CRAMP1: variants seen among roughly 807,000 people sequenced by gnomAD.
The protein encoded by CRAMP1 is protein cramped-like.
Under a neutral mutation model 115.4 loss-of-function variants are expected in CRAMP1, and 50 were observed. The ratio of observed to expected loss-of-function variants is 0.43; its 90% confidence interval spans 0.35 to 0.55. CRAMP1 has a LOEUF of 0.55. Among genes scored for constraint, CRAMP1 ranks in the 20% least tolerant of loss-of-function variants. The pLI is 0.01. For synonymous variants in CRAMP1, 866 were observed against 745.4 expected, an observed-to-expected ratio of 1.16 and a Z score of -2.64; for missense variants, 1,679 against 1,721.7, an observed-to-expected ratio of 0.98 and a Z score of 0.44.
chr16:1,665,984 G>T (rs559087023), intron 14 of CRAMP1, 89 bp from the exon 15 acceptor site: 1 of 810,196 alleles, frequency 1.2e-6, no homozygotes, highest in Non-Finnish European at 2.1e-6. Context: ...CCCAACAGTG[G>T]CTGTAAAGGA....
chr16:1,655,384 A>C, intron 9 of CRAMP1, 84 bp downstream of exon 9: 4 of 1,083,356 alleles, frequency 3.7e-6, no homozygotes, highest in Non-Finnish European at 2.9e-6. Context: ...TGTGCCTGTC[A>C]TCGTCATGGT....
chr16:1,671,156 G>T lies in CRAMP1; in HGVS notation c.3645+347G>T, dbSNP rs1044848998. 6.6e-6 allele frequency among the ~76,000 whole-genome samples: 1 copy of T among 152,166 alleles called. No homozygotes were observed. The highest frequency in any genetic ancestry group is 1.5e-5 in the Non-Finnish European group (1 of 68,028). ...CCCTGGCTGTGAGGTGCTGAGGTGC[G>T]GGGAGTGTTGTGGAGGGAGGAGTAA... On this transcript the variant is annotated intron_variant, in intron 20 of 20. Transcript: ENST00000397412. The surrounding 1 kb of genome is among the most constrained non-coding windows in gnomAD (Gnocchi z 5.0).
chr16:1,616,187 A>G (rs1218214692), intron 2 of CRAMP1, among the ~76,000 whole-genome samples: 3 of 152,258 alleles, frequency 2.0e-5, no homozygotes, highest in South Asian at 2.1e-4. Flanking sequence ...TTGCTGATCA[A>G]TTTGGAAAAC....
chr16:1,625,891 C>G (rs2036504057), intron 2 of CRAMP1, 82 bp from the exon 3 acceptor site: 7 of 1,381,468 alleles, frequency 5.1e-6, no homozygotes, highest in Admixed American at 4.2e-5. Context: ...GGGCAGTGGG[C>G]CCTTCCCTCC....
In CRAMP1 at chr16:1,666,013, C is replaced by G. The variant is rs2142206526; in HGVS notation, c.2753-60C>G. On this transcript the variant is annotated intron_variant, in intron 14 of 20. Coordinates refer to ENST00000397412, the MANE Select transcript of CRAMP1 (RefSeq NM_020825.4). This position sits in a 1 kb window ranked among gnomAD's most constrained non-coding sequence, Gnocchi z 5.0. ...TAAAGGAAGCCCCCTGCGGCCACAT[C>G]CTGCTGTGAGGGCATGGCGGGCGGG... 3.4e-6 allele frequency: 4 copies of G among 1,182,638 alleles called. No homozygotes were observed. Among genetic ancestry groups the G allele is most frequent in the East Asian group, 2.5e-5 (1 of 39,736 alleles). 73.3% of individuals were successfully genotyped at this position (1,182,638 alleles called of 1,614,324 possible).
intron 13 of CRAMP1, among the ~76,000 whole-genome samples, chr16:1,663,205 A>G (rs2036847598): frequency 6.6e-6 from 1 of 152,206 alleles, no homozygotes; most frequent in Admixed American, 6.5e-5. Context: ...TGAGCTCCCC[A>G]GGAGTCCCCG....
chr16:1,641,883 G>T (rs535207309), intron 6 of CRAMP1, among the ~76,000 whole-genome samples: 1 of 151,814 alleles, frequency 6.6e-6, no homozygotes, highest in African/African-American at 2.4e-5. Flanking sequence ...CAGCCTGGGG[G>T]GTCCCCACTC....
chr16:1,632,349 C>T lies in CRAMP1; in HGVS notation c.678C>T (p.Tyr226=). ...YYRTWHKITK[Y]IDFDHVFSRG... ...GCACCTGGCACAAGATCACCAAGTA[C>T]ATCGACTTTGATCATGGTGAGTGTG... The change falls in exon 4 of 21, where the codon TAC becomes TAT. Residue 226 remains tyrosine, a synonymous_variant. Coordinates refer to ENST00000397412, the MANE Select transcript of CRAMP1 (RefSeq NM_020825.4). 1.3e-6 allele frequency: 2 copies of T among 1,593,960 alleles called. No homozygotes were observed. Among genetic ancestry groups the T allele is most frequent in the Admixed American group, 1.8e-5 (1 of 56,616 alleles).
Position 1,614,079 on chromosome 16 carries a change from CAGGTGCGCGGGGCCCGGG to C in CRAMP1, c.-1-557_-1-540del, listed in dbSNP as rs1265338855. Among the ~76,000 whole-genome samples, 1 of 94,698 alleles carries C rather than the reference CAGGTGCGCGGGGCCCGGG, an allele frequency of 1.1e-5. No individual in the cohort carries two copies. Among genetic ancestry groups the C allele is most frequent in the African/African-American group, 4.1e-5 (1 of 24,518 alleles). The allele number at this position is 94,698 out of a possible 152,430, so 62.1% of individuals were successfully genotyped here. On this transcript the variant is annotated intron_variant, in intron 1 of 20. Transcript: ENST00000397412. This position sits in a 1 kb window ranked among gnomAD's most constrained non-coding sequence, Gnocchi z 4.4. ...CAGCTCTGGGGGCCGGCGCGTGGGG[CAGGTGCGCGGGGCCCGGG>C]AGCCCCGCGCCTTTCGGGGGGCGGG...
At chr16:1,657,108 A>C in intron 10 of CRAMP1, 116 bp downstream of exon 10, 1 of 983,694 alleles carries the variant, frequency 1.0e-6, no homozygotes, top group Non-Finnish European at 1.4e-6. Context: ...TGAGAGAGAC[A>C]GGGTCCTGTG....
In CRAMP1 at chr16:1,676,815, C is replaced by G. The variant is rs575713501; in HGVS notation, c.*2770C>G. 6.6e-6 allele frequency: 1 copy of G among 152,384 alleles called. No individual in the cohort carries two copies. The highest frequency in any genetic ancestry group is 1.9e-4 in the East Asian group (1 of 5,188). The allele number at this position is 152,384 out of a possible 1,614,324, so 9.4% of individuals were successfully genotyped here. ...TCGGGGGATGCCTAGTTCGTGGCTT[C>G]CTGGCTGTTTTGTCCTTCTGTGTCT... is the stretch of plus-strand genomic sequence containing the variant. On this transcript the variant is annotated 3_prime_UTR_variant, in exon 21 of 21. Transcript: ENST00000397412.
chr16:1,673,686 C>CGA (rs2036942122), intron 20 of CRAMP1, among the ~76,000 whole-genome samples, 195 bp from the exon 21 acceptor site: 1 of 152,232 alleles, frequency 6.6e-6, no homozygotes, highest in African/African-American at 2.4e-5. Context: ...AGGCTCTCTG[C>CGA]GAGCACTTAT....
chr16:1,659,835 C>A, intron 10 of CRAMP1, 51 bp from the exon 11 acceptor site: 1 of 1,544,196 alleles, frequency 6.5e-7, no homozygotes, highest in Non-Finnish European at 8.9e-7. Context: ...CACGCAAGAG[C>A]CATTTCTCAT....
intron 4 of CRAMP1, among the ~76,000 whole-genome samples, chr16:1,637,379 C>T (rs1282175447): frequency 2.0e-5 from 3 of 151,992 alleles, no homozygotes; most frequent in East Asian, 1.9e-4. Flanking sequence ...GTCCTTGGCT[C>T]CTCCTCCCGC....
At position 1,675,901 on chromosome 16, in the gene CRAMP1, T is replaced by TA. The variant is rs1343394408; in HGVS notation, c.*1857dup. ...CTTTACACTAGCTTGTGTTTTGTGC[T>TA]ACGTATACCAGCTTCCAAAATTAGC... On this transcript the variant is annotated 3_prime_UTR_variant, in exon 21 of 21. Transcript: ENST00000397412. 1 of 152,260 alleles carries TA rather than the reference T, an allele frequency of 6.6e-6. No homozygotes were observed. Among genetic ancestry groups the TA allele is most frequent in the Non-Finnish European group, 1.5e-5 (1 of 68,054 alleles). The allele number at this position is 152,260 out of a possible 1,614,324, so 9.4% of individuals were successfully genotyped here.
chr16:1,655,483 C>A (rs755873460), intron 9 of CRAMP1, among the ~76,000 whole-genome samples, 183 bp downstream of exon 9: 1 of 152,212 alleles, frequency 6.6e-6, no homozygotes, highest in Non-Finnish European at 1.5e-5. Flanking sequence ...GGAGCCCCCT[C>A]TGTGGCCTTG....
rs201280337 is a variant in CRAMP1 at position 1,613,241 on chromosome 16, G to GT, written c.-2+592dup. 4.1e-3 allele frequency among the ~76,000 whole-genome samples: 611 copies of GT among 150,596 alleles called. 6 individuals carry two copies. Among genetic ancestry groups the GT allele is most frequent in the African/African-American group, 0.014 (581 of 40,306 alleles). ...GTGGGTGGTTTTGTTCTTTGGCAGA[G>GT]TTTTTTTTAAAACTAGCATGAACTC... On this transcript the variant is annotated intron_variant, in intron 1 of 20. Transcript: ENST00000397412.
intron 13 of CRAMP1, among the ~76,000 whole-genome samples, chr16:1,664,514 C>T (rs891250196): frequency 3.9e-5 from 6 of 152,244 alleles, no homozygotes; most frequent in African/African-American, 1.4e-4. Context: ...CACGGTGGCT[C>T]GCACCTGTAA....
intron 18 of CRAMP1, among the ~76,000 whole-genome samples, 165 bp downstream of exon 18, chr16:1,668,358 A>C (rs2036894148): frequency 6.6e-6 from 1 of 152,202 alleles, no homozygotes. Context: ...TTGCAGGTGG[A>C]TAAGGTACCT....
Sources: allele counts gnomAD v4.1 joint callset (sites outside exome capture counted in the v4.1 genomes callset), GRCh38; gene constraint gnomAD v4.1.1; non-coding constraint Gnocchi (gnomAD v3.1); transcripts MANE v1.5; gene names NCBI Gene and HGNC (gene_info 2026-07-23, HGNC 2026-07-21).